The following CREM variants were observed in gnomAD, a reference collection of about 807,000 sequenced individuals.
The protein encoded by CREM is cAMP-responsive element modulator.
In CREM, 13 loss-of-function variants were observed where a neutral mutation model predicts 37.3. That is an observed-to-expected ratio of 0.35 (90% CI 0.23 to 0.55). The LOEUF (loss-of-function observed/expected upper bound fraction) is 0.55. Ranked by LOEUF, CREM falls within the 20% of genes least tolerant of loss-of-function variation. The pLI is 0.88. For missense variants in CREM, 296 were observed against 362.3 expected (o/e 0.82, Z 1.49); for synonymous variants, 124 against 120.2 (o/e 1.03, Z -0.21).
chr10:35,206,767 A>C, intron 6 of CREM, 128 bp from the exon 7 acceptor site: 1 of 874,536 alleles, frequency 1.1e-6, no homozygotes, highest in South Asian at 1.4e-5. Flanking sequence ...GCTCAGAATA[A>C]TTATCTTAAA....
intron 7 of CREM, among the ~76,000 whole-genome samples, chr10:35,207,330 G>C (rs2134625860): frequency 6.6e-6 from 1 of 151,994 alleles, no homozygotes; most frequent in Admixed American, 6.6e-5. Context: ...GGAGGCGGAG[G>C]TTGCAGTGAG....
At chr10:35,175,572 C>A in intron 3 of CREM, 1 of 1,196,760 alleles carries the variant, frequency 8.4e-7, no homozygotes, top group South Asian at 1.3e-5. Flanking sequence ...GGTAGTTTAA[C>A]TGCTTTAGAA....
chr10:35,160,961 T>C (rs182078687), intron 3 of CREM, among the ~76,000 whole-genome samples: 4 of 152,238 alleles, frequency 2.6e-5, no homozygotes, highest in East Asian at 1.9e-4. Flanking sequence ...TCATCTCTTA[T>C]GACAGTGCCT....
Position 35,212,491 on chromosome 10 carries a change from C to T in CREM, c.*1093C>T. On this transcript the variant is annotated 3_prime_UTR_variant, in exon 8 of 8. Transcript: ENST00000685392. ...GTTCTTAGTGTTGGTTTAATATTAC[C>T]TAATGAAAGTGATGACATATTTTTT... 1 of 152,678 alleles carries T rather than the reference C, an allele frequency of 6.5e-6. No individual in the cohort carries two copies. The highest frequency in any genetic ancestry group is 6.5e-5 in the Admixed American group (1 of 15,276). 9.5% of individuals were successfully genotyped at this position (152,678 alleles called of 1,614,324 possible). A position where few individuals can be genotyped will look rare whatever the true frequency, so the allele number is the denominator to read the frequency against.
At position 35,137,849 on chromosome 10, in the gene CREM, C is replaced by T. The variant is rs755156924; in HGVS notation, c.14C>T (p.Ala5Val). ...AATATCTTAACAATGAGCAAATGTG[C>T]AAGGAAAAAATATATTAAGACAAAT... MSKC[A>V]RKKYIKTNPR... Residue 5 changes from alanine (A) to valine (V), a missense_variant, in exon 2 of 8, where the codon GCA becomes GTA. This residue lies in a region of CREM where 257 missense variants were observed against 280.2 expected (regional missense o/e 0.92). Coordinates refer to ENST00000685392, the MANE Select transcript of CREM (RefSeq NM_183011.2). 4 of 1,583,234 alleles carry T rather than the reference C, an allele frequency of 2.5e-6. No homozygotes were observed. The highest frequency in any genetic ancestry group is 3.4e-6 in the Non-Finnish European group (4 of 1,163,460).
At chr10:35,138,061 A>C (rs1189782179) in intron 2 of CREM, among the ~76,000 whole-genome samples, 182 bp downstream of exon 2, 1 of 152,200 alleles carries the variant, frequency 6.6e-6, no homozygotes, top group Non-Finnish European at 1.5e-5. Context: ...CATGCTGGGC[A>C]CTGTAGGAGA....
chr10:35,196,761 A>T (rs7070427), intron 6 of CREM, among the ~76,000 whole-genome samples: 50,686 of 151,916 alleles, frequency 0.33, 8,538 homozygotes, highest in Non-Finnish European at 0.35. Flanking sequence ...ATTATTGGTT[A>T]ATATCTTTCT....
chr10:35,135,779 G>A (rs1056761358), intron 1 of CREM, among the ~76,000 whole-genome samples: 115 of 132,576 alleles, frequency 8.7e-4, no homozygotes, highest in Non-Finnish European at 1.4e-3. Context: ...AAAGAAGATA[G>A]AACAAAAGGC....
At chr10:35,200,382 A>G (rs1194646090) in intron 6 of CREM, among the ~76,000 whole-genome samples, 1 of 152,190 alleles carries the variant, frequency 6.6e-6, no homozygotes, top group African/African-American at 2.4e-5. Flanking sequence ...ATAATTTCAT[A>G]ATGTATGCAT....
chr10:35,155,214 G>T (rs183279812), intron 3 of CREM, among the ~76,000 whole-genome samples: 2 of 152,232 alleles, frequency 1.3e-5, no homozygotes, highest in Admixed American at 1.3e-4. Context: ...TTGGATACTC[G>T]TAGAAAATGT....
intron 1 of CREM, among the ~76,000 whole-genome samples, chr10:35,128,025 A>T (rs559391871): frequency 2.0e-5 from 3 of 152,082 alleles, no homozygotes; most frequent in Non-Finnish European, 4.4e-5. Context: ...TTGTATTTTT[A>T]GTAGAGATGG....
At chr10:35,144,942 T>C (rs2091893935) in intron 2 of CREM, among the ~76,000 whole-genome samples, 1 of 151,794 alleles carries the variant, frequency 6.6e-6, no homozygotes, top group Non-Finnish European at 1.5e-5. Flanking sequence ...GGCTGATCAC[T>C]TGAGGCCAGG....
At chr10:35,158,813 TTTTG>T (rs1278513572) in intron 3 of CREM, among the ~76,000 whole-genome samples, 20 of 77,230 alleles carry the variant, frequency 2.6e-4, no homozygotes, top group African/African-American at 4.9e-4. Flanking sequence ...TTTTTTGTTG[TTTTG>T]TTTGTTTTTT....
chr10:35,163,217 CA>C (rs1245837629), intron 3 of CREM, among the ~76,000 whole-genome samples: 1 of 151,174 alleles, frequency 6.6e-6, no homozygotes, highest in African/African-American at 2.4e-5. Flanking sequence ...CTCAACGCAA[CA>C]AAAAACAAAA....
At chr10:35,192,392 A>G (rs1034620311) in intron 6 of CREM, among the ~76,000 whole-genome samples, 7 of 152,160 alleles carry the variant, frequency 4.6e-5, no homozygotes, top group African/African-American at 1.7e-4. Context: ...TCTCTTGGCC[A>G]GGCTGGAACA....
At chr10:35,135,721 G>GAAA (rs9336981) in intron 1 of CREM, among the ~76,000 whole-genome samples, 4 of 50,534 alleles carry the variant, frequency 7.9e-5, no homozygotes, top group South Asian at 7.8e-4. Flanking sequence ...CCTATTTCTG[G>GAAA]AAAAAAAAAA....
chr10:35,196,138 G>A (rs746429714), intron 6 of CREM: 1 of 1,609,766 alleles, frequency 6.2e-7, no homozygotes, highest in Admixed American at 1.7e-5. Context: ...CCCTGCATGC[G>A]CCTGGTGAGA....
chr10:35,154,143 A>G (rs1024972664), intron 3 of CREM: 1 of 398,514 alleles, frequency 2.5e-6, no homozygotes, highest in Admixed American at 4.4e-5. Context: ...TTAACAAGGG[A>G]TACTTGGAAA....
At position 35,173,585 on chromosome 10, in the gene CREM, T is replaced by C. The variant is rs143214507; in HGVS notation, c.169-5304T>C. Among the ~76,000 whole-genome samples the C allele has an allele frequency of 4.8e-4, 73 of 152,366 alleles. No homozygotes were observed. In the East Asian group the frequency reaches 0.014, roughly 29 times the overall value. On this transcript the variant is annotated intron_variant, in intron 3 of 7. Coordinates refer to ENST00000685392, the MANE Select transcript of CREM (RefSeq NM_183011.2). ...GTTACTATTTTTAAAATTTCTGTTT[T>C]AATTTCCAGTATGTTAAATATCAAC...
Sources: gnomAD v4.1 joint callset for allele counts (sites outside exome capture counted in the v4.1 genomes callset) on GRCh38, gnomAD v4.1.1 for gene constraint, gnomAD v4.1.1 regional missense constraint, MANE v1.5 for transcripts, NCBI Gene and HGNC (gene_info 2026-07-23, HGNC 2026-07-21) for gene names.